The following DNAJC12 variants were observed in gnomAD, a reference collection of about 807,000 sequenced individuals.
DNAJC12 encodes the protein dnaJ homolog subfamily C member 12.
DNAJC12 carries 25 observed loss-of-function variants against 28.5 expected under a neutral mutation model. That is an observed-to-expected ratio of 0.88 (90% CI 0.64 to 1.22). DNAJC12 has a LOEUF of 1.22. DNAJC12 is among the 50% of genes most tolerant of loss of function. DNAJC12 has a pLI of 0.00. For synonymous variants in DNAJC12, 77 were observed against 80.6 expected (o/e 0.95, Z 0.24); for missense variants, 222 against 231.7 (o/e 0.96, Z 0.27).
rs192353314 is a variant in DNAJC12 at position 67,806,276 on chromosome 10, A to G, written c.298-489T>C. Among the ~76,000 whole-genome samples, 20 of 152,300 alleles carry G rather than the reference A, an allele frequency of 1.3e-4. No individual in the cohort carries two copies. The East Asian group carries it at 3.5e-3, about 26-fold the overall frequency. The stretch of plus-strand genomic sequence containing the variant: ...GTGACACACTACCTCTATTACCACA[A>G]CTCAAGACTAGAAGGAAACATAGCC... On this transcript the variant is annotated intron_variant, in intron 3 of 4. Coordinates refer to ENST00000225171, the MANE Select transcript of DNAJC12 (RefSeq NM_021800.3).
rs770664606 is a variant in DNAJC12, at chr10:67,811,603, G to A, written c.218C>T (p.Ala73Val). The part of the protein sequence containing the change: ...KEILTNEESR[A>V]RYDHWRRSQM... Reference sequence around the variant, plus strand: ...GCTCCTTCGCCAGTGGTCATAGCGGGCTCGACTCTCTTCATTGGTCAGAAT... The same window carrying A: ...GCTCCTTCGCCAGTGGTCATAGCGGACTCGACTCTCTTCATTGGTCAGAAT... The change falls in exon 3 of 5, where the codon GCC becomes GTC. Residue 73 changes from alanine to valine, a missense_variant. Physicochemically the swap from Ala to Val is moderately conservative, Grantham distance 64. Coordinates refer to ENST00000225171, the MANE Select transcript of DNAJC12 (RefSeq NM_021800.3). The A allele has an allele frequency of 3.7e-6, 6 of 1,614,048 alleles. No individual in the cohort carries two copies. Among genetic ancestry groups the A allele is most frequent in the Non-Finnish European group, 5.1e-6 (6 of 1,180,028 alleles).
chr10:67,806,849 A>C (rs1841807279), intron 3 of DNAJC12, among the ~76,000 whole-genome samples: 3 of 150,730 alleles, frequency 2.0e-5, no homozygotes, highest in African/African-American at 7.3e-5. Context: ...AGAAAAAGAA[A>C]TGGGAAGGAA....
At chr10:67,803,110 G>T (rs1295842758) in intron 4 of DNAJC12, among the ~76,000 whole-genome samples, 5 of 151,718 alleles carry the variant, frequency 3.3e-5, no homozygotes, top group Non-Finnish European at 7.4e-5. Context: ...TAATTGCTAG[G>T]ACTACAGGTG....
chr10:67,826,883 T>A (rs1165637436), intron 1 of DNAJC12, among the ~76,000 whole-genome samples: 1 of 128,130 alleles, frequency 7.8e-6, no homozygotes, highest in Non-Finnish European at 1.6e-5. Flanking sequence ...TATATATGTC[T>A]AATGATATCT....
At chr10:67,826,181 C>T (rs1056720525) in intron 1 of DNAJC12, among the ~76,000 whole-genome samples, 1 of 149,444 alleles carries the variant, frequency 6.7e-6, no homozygotes, top group East Asian at 2.0e-4. Context: ...GTCACCCAGG[C>T]TGGAGTGCAG....
chr10:67,832,879 T>C lies in DNAJC12; in HGVS notation c.78+5055A>G, dbSNP rs577107082. On this transcript the variant is annotated intron_variant, in intron 1 of 4. Transcript: ENST00000225171. ...ACCTTAACGAAGTGCTCAAGGTCAA[T>C]AAAGCACATCCATTTCATGCACCCC... is the stretch of plus-strand genomic sequence containing the variant. 3.1e-4 allele frequency among the ~76,000 whole-genome samples: 47 copies of C among 152,280 alleles called. No individual in the cohort carries two copies. The South Asian group carries it at 9.7e-3, about 32-fold the overall frequency.
intron 1 of DNAJC12, among the ~76,000 whole-genome samples, chr10:67,834,664 CA>C (rs1842125814): frequency 6.6e-6 from 1 of 152,042 alleles, no homozygotes; most frequent in African/African-American, 2.4e-5. Flanking sequence ...CTCATCTGTA[CA>C]AAAATACAAA....
At chr10:67,808,996 C>T (rs142165551) in intron 3 of DNAJC12, among the ~76,000 whole-genome samples, 219 of 152,294 alleles carry the variant, frequency 1.4e-3, no homozygotes, top group Non-Finnish European at 2.6e-3. Context: ...CAGCTGGGAA[C>T]CCAGAAACAA....
At chr10:67,802,966 C>G (rs1038023683) in intron 4 of DNAJC12, among the ~76,000 whole-genome samples, 7 of 151,314 alleles carry the variant, frequency 4.6e-5, no homozygotes, top group Non-Finnish European at 1.0e-4. Flanking sequence ...CACCCGGGCT[C>G]AAGTAACGGG....
At chr10:67,829,103 C>G (rs532481281) in intron 1 of DNAJC12, among the ~76,000 whole-genome samples, 2 of 152,262 alleles carry the variant, frequency 1.3e-5, no homozygotes, top group South Asian at 4.1e-4. Flanking sequence ...ACATTCCTTT[C>G]CCTTCAGGTG....
intron 3 of DNAJC12, 200 bp downstream of exon 3, chr10:67,811,324 T>G: frequency 7.2e-7 from 1 of 1,397,016 alleles, no homozygotes; most frequent in Non-Finnish European, 9.3e-7. Context: ...AGTCACAGGC[T>G]CTTCTGGCAC....
rs1191937069 is a variant in DNAJC12 at position 67,838,050 on chromosome 10, G to A, written c.-39C>T. 1 of 1,348,226 alleles carries A rather than the reference G, an allele frequency of 7.4e-7. No homozygotes were observed. The highest frequency in any genetic ancestry group is 1.0e-6 in the Non-Finnish European group (1 of 953,778). The allele number at this position is 1,348,226 out of a possible 1,614,324, so 83.5% of individuals were successfully genotyped here. A position where few individuals can be genotyped will look rare whatever the true frequency, so the allele number is the denominator to read the frequency against. The stretch of plus-strand genomic sequence containing the variant: ...TCAGTCCTTCTTCCCTCGGAAACAA[G>A]AGGCACAGTGAGCTTCGAATTAACA... On this transcript the variant is annotated 5_prime_UTR_variant, in exon 1 of 5. Coordinates refer to ENST00000225171, the MANE Select transcript of DNAJC12 (RefSeq NM_021800.3).
In DNAJC12 at chr10:67,799,737, G is replaced by A. The variant is rs148326406; in HGVS notation, c.503-2527C>T. Reference sequence around the variant, plus strand: ...GTCTCTACTAAAAATACAAAAATTCGCTGGGCGTGGTAGCACACGCCTGTA... The same window carrying A: ...GTCTCTACTAAAAATACAAAAATTCACTGGGCGTGGTAGCACACGCCTGTA... On this transcript the variant is annotated intron_variant, in intron 4 of 4. Transcript: ENST00000225171. Among the ~76,000 whole-genome samples the A allele has an allele frequency of 2.9e-3, 444 of 152,098 alleles. 3 individuals carry two copies. The highest frequency in any genetic ancestry group is 0.01 in the African/African-American group (426 of 41,488).
intron 1 of DNAJC12, among the ~76,000 whole-genome samples, chr10:67,835,717 G>C (rs371983198): frequency 1.8e-3 from 211 of 119,072 alleles, no homozygotes; most frequent in African/African-American, 5.1e-3. Context: ...GAGAAAAAAT[G>C]ACACACACAC....
At chr10:67,813,643 A>G (rs1841885167) in intron 2 of DNAJC12, among the ~76,000 whole-genome samples, 2 of 151,668 alleles carry the variant, frequency 1.3e-5, no homozygotes, top group Non-Finnish European at 2.9e-5. Flanking sequence ...CTGTAATCCC[A>G]GCTACTCAGT....
chr10:67,829,447 T>C (rs879664713), intron 1 of DNAJC12, among the ~76,000 whole-genome samples: 2 of 152,114 alleles, frequency 1.3e-5, no homozygotes, highest in African/African-American at 4.8e-5. Context: ...GAGACCATCC[T>C]GGCTAAAACA....
intron 1 of DNAJC12, among the ~76,000 whole-genome samples, chr10:67,828,497 A>C (rs1842059416): frequency 1.3e-5 from 2 of 152,190 alleles, no homozygotes; most frequent in South Asian, 4.1e-4. Flanking sequence ...ACCTTCGAAT[A>C]ATAGGAAAAG....
intron 3 of DNAJC12, chr10:67,811,299 G>C: frequency 7.3e-7 from 1 of 1,371,258 alleles, no homozygotes; most frequent in East Asian, 2.8e-5. Context: ...CAGCCAAAGA[G>C]ATTGAAAGAA....
intron 4 of DNAJC12, among the ~76,000 whole-genome samples, chr10:67,798,811 G>A (rs1373750163): frequency 7.0e-6 from 1 of 142,754 alleles, no homozygotes; most frequent in Non-Finnish European, 1.5e-5. Flanking sequence ...TGTTGCCCAG[G>A]CTGGAGTGCA....
Sources: gnomAD v4.1 joint callset for allele counts (sites outside exome capture counted in the v4.1 genomes callset) on GRCh38, gnomAD v4.1.1 for gene constraint, MANE v1.5 for transcripts, NCBI Gene and HGNC (gene_info 2026-07-23, HGNC 2026-07-21) for gene names.